ADIPOR2: variants seen among roughly 807,000 people sequenced by gnomAD.
The protein encoded by ADIPOR2 is adiponectin receptor protein 2.
A neutral mutation model predicts 40.9 loss-of-function variants in ADIPOR2; 18 were observed. The ratio of observed to expected loss-of-function variants is 0.44; its 90% CI spans 0.30 to 0.65. The LOEUF is 0.65. ADIPOR2 is among the 30% of genes least tolerant of loss of function. The pLI is 0.09. For missense variants in ADIPOR2, 283 were observed against 479.2 expected, an observed-to-expected ratio of 0.59 and a Z score of 3.82; for synonymous variants, 165 against 166.4, an observed-to-expected ratio of 0.99 and a Z score of 0.06.
chr12:1,710,802 T>C (rs2094675156), intron 1 of ADIPOR2, among the ~76,000 whole-genome samples: 1 of 152,022 alleles, frequency 6.6e-6, no homozygotes, highest in Non-Finnish European at 1.5e-5. Flanking sequence ...GGTCCAGGGG[T>C]CCTTGGTAGA....
intron 1 of ADIPOR2, among the ~76,000 whole-genome samples, chr12:1,733,621 TTTTA>T (rs1186697791): frequency 5.9e-5 from 9 of 152,296 alleles, no homozygotes; most frequent in Admixed American, 3.3e-4. Flanking sequence ...TTTATTTATT[TTTTA>T]TTCTAAGTTT....
chr12:1,761,445 T>A (rs990665542), intron 2 of ADIPOR2, among the ~76,000 whole-genome samples: 2 of 152,208 alleles, frequency 1.3e-5, no homozygotes, highest in African/African-American at 4.8e-5. Context: ...CCAGACTGTT[T>A]TTCATAGCAG....
intron 1 of ADIPOR2, among the ~76,000 whole-genome samples, chr12:1,748,861 G>C (rs544917356): frequency 1.3e-5 from 2 of 152,052 alleles, no homozygotes; most frequent in South Asian, 4.2e-4. Flanking sequence ...GCAGACAGCA[G>C]CCTGAGTGTC....
At chr12:1,747,789 C>T (rs1020430462) in intron 1 of ADIPOR2, among the ~76,000 whole-genome samples, 1 of 152,006 alleles carries the variant, frequency 6.6e-6, no homozygotes, top group Non-Finnish European at 1.5e-5. Flanking sequence ...AAGTCAGCTG[C>T]TAATCTTACT....
At chr12:1,735,854 A>T (rs1592598642) in intron 1 of ADIPOR2, among the ~76,000 whole-genome samples, 1 of 152,158 alleles carries the variant, frequency 6.6e-6, no homozygotes, top group East Asian at 1.9e-4. Flanking sequence ...TGAGATAATC[A>T]TATGGTTTTT....
chr12:1,757,307 G>A (rs1164037583), intron 2 of ADIPOR2: 2 of 663,072 alleles, frequency 3.0e-6, no homozygotes, highest in Non-Finnish European at 5.5e-6. Flanking sequence ...CTTTTCCTCA[G>A]GGAAGAGAAG....
At position 1,754,257 on chromosome 12, in the gene ADIPOR2, G is replaced by C. The variant is rs979297512; in HGVS notation, c.-86-1G>C. 21 of 1,314,454 alleles carry C rather than the reference G, an allele frequency of 1.6e-5. No homozygotes were observed. Among genetic ancestry groups the C allele is most frequent in the Non-Finnish European group, 1.2e-5 (12 of 997,402 alleles). The allele number at this position is 1,314,454 out of a possible 1,614,324, so 81.4% of individuals were successfully genotyped here. On this transcript the variant is annotated splice_acceptor_variant, in intron 1 of 7. Transcript: ENST00000357103. LOFTEE classifies it low-confidence loss of function (5UTR_SPLICE). ...TTTTTTCAAAACTTTCATCTTCTTA[G>C]GATCAACTCACTATCCTGAAGGTCC...
chr12:1,738,842 C>A (rs1246165091), intron 1 of ADIPOR2, among the ~76,000 whole-genome samples: 1 of 152,034 alleles, frequency 6.6e-6, no homozygotes, highest in Non-Finnish European at 1.5e-5. Flanking sequence ...TTTATATTTC[C>A]TTTGAAGAAC....
rs1168436852 is a variant in ADIPOR2 at position 1,780,916 on chromosome 12, G to A, written c.678G>A (p.Leu226=). The A allele has an allele frequency of 6.2e-7, 1 of 1,611,604 alleles. No homozygotes were observed. Among genetic ancestry groups the A allele is most frequent in the East Asian group, 2.2e-5 (1 of 44,784 alleles). The stretch of plus-strand genomic sequence containing the variant: ...TGGATTACTCTGGTATTGCTCTTCT[G>A]ATTATGGGAAGTTTTGTTCCTTGGC... ...SKLDYSGIAL[L]IMGSFVPWLY... is the part of the protein sequence containing the mutation. The change falls in exon 6 of 8, where the codon CTG becomes CTA. Residue 226 remains leucine, a synonymous_variant. Coordinates refer to ENST00000357103, the MANE Select transcript of ADIPOR2 (RefSeq NM_024551.3).
At chr12:1,699,251 G>C (rs904527347) in intron 1 of ADIPOR2, among the ~76,000 whole-genome samples, 1 of 152,064 alleles carries the variant, frequency 6.6e-6, no homozygotes, top group African/African-American at 2.4e-5. Flanking sequence ...GTAACTGTTG[G>C]GGTTACTGCT....
chr12:1,762,631 T>C lies in ADIPOR2; in HGVS notation c.171+8117T>C, dbSNP rs117565447. Among the ~76,000 whole-genome samples, 33 of 152,376 alleles carry C rather than the reference T, an allele frequency of 2.2e-4. No homozygotes were observed. In the East Asian group the frequency reaches 6.4e-3, roughly 29 times the overall value. ...TTCTTTAATCTTAGAATAAATGCATTCTTATCAGGAGAATAATGATAGTTC... is the reference window on the plus strand; with the variant it reads ...TTCTTTAATCTTAGAATAAATGCATCCTTATCAGGAGAATAATGATAGTTC... On this transcript the variant is annotated intron_variant, in intron 2 of 7. Coordinates refer to ENST00000357103, the MANE Select transcript of ADIPOR2 (RefSeq NM_024551.3).
At chr12:1,748,028 C>T (rs1472076565) in intron 1 of ADIPOR2, among the ~76,000 whole-genome samples, 1 of 151,934 alleles carries the variant, frequency 6.6e-6, no homozygotes, top group Non-Finnish European at 1.5e-5. Flanking sequence ...ACCACTTTTT[C>T]TCCTCTCCTT....
At chr12:1,698,041 A>C (rs539335364) in intron 1 of ADIPOR2, 1 of 152,198 alleles carries the variant, frequency 6.6e-6, no homozygotes, top group Non-Finnish European at 1.5e-5. Flanking sequence ...TTTCTGCAGG[A>C]CATGTTGGCT....
chr12:1,751,256 C>T (rs2094768572), intron 1 of ADIPOR2, among the ~76,000 whole-genome samples: 1 of 151,932 alleles, frequency 6.6e-6, no homozygotes, highest in Admixed American at 6.6e-5. Flanking sequence ...GTAGAGTGGC[C>T]AATATTTGAT....
intron 1 of ADIPOR2, among the ~76,000 whole-genome samples, chr12:1,751,841 T>G (rs925832834): frequency 1.3e-5 from 2 of 151,732 alleles, no homozygotes; most frequent in African/African-American, 2.4e-5. Flanking sequence ...TATAGTCTCA[T>G]AAATGAGCAA....
In ADIPOR2 at chr12:1,736,021, A is replaced by G. The variant is rs550917993; in HGVS notation, c.-86-18237A>G. ...CCAGTATTTTATTGAGGATCTTTGC[A>G]TCGATGTTCATCAGGGATATTGGTC... On this transcript the variant is annotated intron_variant, in intron 1 of 7. Transcript: ENST00000357103. 3.3e-5 allele frequency among the ~76,000 whole-genome samples: 5 copies of G among 152,310 alleles called. No individual in the cohort carries two copies. In the South Asian group the frequency reaches 8.3e-4, roughly 25 times the overall value.
At chr12:1,701,036 GA>G (rs145041361) in intron 1 of ADIPOR2, among the ~76,000 whole-genome samples, 1 of 150,064 alleles carries the variant, frequency 6.7e-6, no homozygotes, top group East Asian at 1.9e-4. Context: ...TTTTTTTGAG[GA>G]AAAAAAATCA....
intron 1 of ADIPOR2, among the ~76,000 whole-genome samples, chr12:1,730,336 G>T (rs1386343364): frequency 1.3e-5 from 2 of 151,784 alleles, no homozygotes; most frequent in East Asian, 3.9e-4. Context: ...CAGTTGTTCA[G>T]GCCGGGCGCG....
At chr12:1,709,758 T>G (rs1375764254) in intron 1 of ADIPOR2, among the ~76,000 whole-genome samples, 1 of 152,166 alleles carries the variant, frequency 6.6e-6, no homozygotes, top group Non-Finnish European at 1.5e-5. Flanking sequence ...AATATAATAT[T>G]TTAAAGTAGA....
Sources: allele counts gnomAD v4.1 joint callset (sites outside exome capture counted in the v4.1 genomes callset), GRCh38; gene constraint gnomAD v4.1.1; transcripts MANE v1.5; gene names NCBI Gene and HGNC (gene_info 2026-07-23, HGNC 2026-07-21).